Variants in WRN observed in about 807,000 individuals in gnomAD.
The protein encoded by WRN is WRN RecQ like helicase, also known as bifunctional 3'-5' exonuclease/ATP-dependent helicase WRN.
A neutral mutation model predicts 180.7 loss-of-function variants in WRN; 149 were observed. That is an observed-to-expected ratio of 0.82 (90% CI 0.72 to 0.94). The LOEUF is 0.94. Among genes scored for constraint, WRN ranks in the 40% least tolerant of loss-of-function variants. The probability of loss-of-function intolerance (pLI) is 0.00; values close to 1 mark genes in which losing one functional copy is unlikely to be tolerated. For synonymous variants in WRN, 548 were observed against 568.9 expected (o/e 0.96, Z 0.52); for missense variants, 1,661 against 1,700.1 (o/e 0.98, Z 0.40).
intron 5 of WRN, 50 bp from the exon 6 acceptor site, chr8:31,066,983 A>AATCCTGTTTCAGTT: frequency 6.2e-7 from 1 of 1,604,620 alleles, no homozygotes; most frequent in East Asian, 2.2e-5. Flanking sequence ...ATTTGGTAAT[A>AATCCTGTTTCAGTT]CCTGAAAACA....
chr8:31,143,612 T>G lies in WRN; in HGVS notation c.3372T>G (p.Ile1124Met). The G allele has an allele frequency of 6.3e-7, 1 of 1,587,660 alleles. No homozygotes were observed. Among genetic ancestry groups the G allele is most frequent in the Non-Finnish European group, 8.6e-7 (1 of 1,157,178 alleles). Residue 1124 changes from isoleucine (I) to methionine (M), a missense_variant, in exon 28 of 35, where the codon ATT (isoleucine) becomes ATG (methionine). Ile to Met is a conservative substitution (Grantham distance 10). Around this residue, in one of 3 missense-constraint regions of WRN, gnomAD observed 1,141 missense variants for 1,149.4 expected, o/e 0.99. Coordinates refer to ENST00000298139, the MANE Select transcript of WRN (RefSeq NM_000553.6). Reference protein sequence around the residue: ...PCDKISSGSNISKKSIMVQSP... With the variant: ...PCDKISSGSNMSKKSIMVQSP... ...ATAAGATTTCTTCTGGGAGTAACAT[T>G]TCTAAAAAAAGGTACAGAGTTCCAT... is the stretch of plus-strand genomic sequence containing the variant.
rs1393461097 is a variant in WRN, at chr8:31,140,019, T to G, written c.2968-1411T>G. On this transcript the variant is annotated intron_variant, in intron 24 of 34. Transcript: ENST00000298139. ...TACTTCTTTGTTTTTTTTTTTTTTTTTTTTTTTTTTTTTTGAGACAGGGTC... is the reference window on the plus strand; with the variant it reads ...TACTTCTTTGTTTTTTTTTTTTTTTGTTTTTTTTTTTTTTGAGACAGGGTC... Among the ~76,000 whole-genome samples the G allele has an allele frequency of 9.6e-5, 12 of 125,326 alleles. No homozygotes were observed. In the East Asian group the frequency reaches 2.6e-3, roughly 27 times the overall value. 82.2% of individuals were successfully genotyped at this position (125,326 alleles called of 152,430 possible).
intron 33 of WRN, among the ~76,000 whole-genome samples, chr8:31,157,801 C>T (rs752609697): frequency 3.3e-5 from 5 of 152,102 alleles, no homozygotes; most frequent in South Asian, 2.1e-4. Context: ...GATCTTGGCT[C>T]GCTGCAACCT....
intron 7 of WRN, among the ~76,000 whole-genome samples, chr8:31,073,712 TGAG>T (rs1812995270): frequency 6.6e-6 from 1 of 151,884 alleles, no homozygotes; most frequent in Non-Finnish European, 1.5e-5. Flanking sequence ...GTTGGGAAGA[TGAG>T]GAGAGAGCAG....
intron 21 of WRN, 56 bp downstream of exon 21, chr8:31,120,480 A>C: frequency 2.6e-6 from 4 of 1,542,792 alleles, no homozygotes; most frequent in Non-Finnish European, 3.5e-6. Flanking sequence ...TTTCCATATA[A>C]ACCTCAAAAG....
In WRN at chr8:31,175,320, A is replaced by G. The variant is rs548280181; in HGVS notation, c.*2218A>G. ...TGTGTTGGTGCGTGCCTATAATCCCAGCTACTCGGGAGGCTGAGGCAGGAG... is the reference window on the plus strand; with the variant it reads ...TGTGTTGGTGCGTGCCTATAATCCCGGCTACTCGGGAGGCTGAGGCAGGAG... On this transcript the variant is annotated 3_prime_UTR_variant, in exon 35 of 35. Coordinates refer to ENST00000298139, the MANE Select transcript of WRN (RefSeq NM_000553.6). Among the ~76,000 whole-genome samples, 114 of 152,256 alleles carry G rather than the reference A, an allele frequency of 7.5e-4. No individual in the cohort carries two copies. Among genetic ancestry groups the G allele is most frequent in the African/African-American group, 2.4e-3 (98 of 41,532 alleles).
intron 16 of WRN, among the ~76,000 whole-genome samples, chr8:31,093,368 C>T (rs147306746): frequency 3.9e-5 from 6 of 152,082 alleles, no homozygotes; most frequent in African/African-American, 1.4e-4. Flanking sequence ...TCCAAAGTGC[C>T]GGGATTACAG....
Position 31,075,272 on chromosome 8 carries a change from A to T in WRN, c.725-901A>T, listed in dbSNP as rs150643652. On this transcript the variant is annotated intron_variant, in intron 7 of 34. Coordinates refer to ENST00000298139, the MANE Select transcript of WRN (RefSeq NM_000553.6). ...AGGCCTCAGAGGAGATGGGCTTTTG[A>T]AGGACAAGAGAAATGATGATGAATA... Among the ~76,000 whole-genome samples, 26 of 152,298 alleles carry T rather than the reference A, an allele frequency of 1.7e-4. 1 individual carries two copies. The East Asian group carries it at 5.0e-3, about 29-fold the overall frequency.
chr8:31,156,783 C>G (rs937274907), intron 32 of WRN, among the ~76,000 whole-genome samples: 5 of 152,162 alleles, frequency 3.3e-5, no homozygotes, highest in African/African-American at 4.8e-5. Context: ...TAGCACTGTT[C>G]ATGTGAAGTT....
Position 31,120,331 on chromosome 8 carries a change from A to T in WRN, c.2537A>T (p.Glu846Val), listed in dbSNP as rs886062890. Residue 846 changes from glutamate to valine, a missense_variant, in exon 21 of 35, where the codon GAA becomes GTA. By Grantham distance (121) the Glu-to-Val change is moderately radical (BLOSUM62 -2). Transcript: ENST00000298139. ...VIHYGAPKDMESYYQEIGRAG... is the reference protein window; with the variant it reads ...VIHYGAPKDMVSYYQEIGRAG... ...CATTACGGTGCTCCTAAGGACATGGAATCATATTATCAGGAGATTGGTAGA... is the reference window on the plus strand; with the variant it reads ...CATTACGGTGCTCCTAAGGACATGGTATCATATTATCAGGAGATTGGTAGA... 3 of 1,613,056 alleles carry T rather than the reference A, an allele frequency of 1.9e-6. No individual in the cohort carries two copies. Among genetic ancestry groups the T allele is most frequent in the Middle Eastern group, 1.7e-4 (1 of 6,060 alleles).
At chr8:31,113,449 A>G (rs1338281481) in intron 19 of WRN, among the ~76,000 whole-genome samples, 2 of 152,298 alleles carry the variant, frequency 1.3e-5, no homozygotes, top group East Asian at 3.9e-4. Context: ...TGGCCATTCT[A>G]GTGCTCTCTG....
intron 5 of WRN, 80 bp downstream of exon 5, chr8:31,065,143 AT>A (rs3087406): frequency 2.2e-4 from 328 of 1,463,996 alleles, no homozygotes; most frequent in Middle Eastern, 7.4e-4. Flanking sequence ...TGAATGTTAG[AT>A]TTTTTTTTGA....
chr8:31,058,356 C>A lies in WRN; in HGVS notation c.-76-16C>A. 1 of 1,043,460 alleles carries A rather than the reference C, an allele frequency of 9.6e-7. No homozygotes were observed. Among genetic ancestry groups the A allele is most frequent in the Non-Finnish European group, 1.5e-6 (1 of 685,732 alleles). 64.6% of individuals were successfully genotyped at this position (1,043,460 alleles called of 1,614,324 possible). Reference sequence around the variant, plus strand: ...TATGTTTGGTTTTCATTCATATTGACAGTACTACCTCTCAGTTTTCTTTCA... The same window carrying A: ...TATGTTTGGTTTTCATTCATATTGAAAGTACTACCTCTCAGTTTTCTTTCA... On this transcript the variant is annotated splice_polypyrimidine_tract_variant and intron_variant, in intron 1 of 34. Coordinates refer to ENST00000298139, the MANE Select transcript of WRN (RefSeq NM_000553.6).
At chr8:31,130,262 T>A (rs1003184192) in intron 23 of WRN, among the ~76,000 whole-genome samples, 1 of 152,036 alleles carries the variant, frequency 6.6e-6, no homozygotes, top group Non-Finnish European at 1.5e-5. Context: ...AAAAGAAAAT[T>A]AATCAGCTAA....
At chr8:31,107,062 G>C (rs1801124724) in intron 18 of WRN, among the ~76,000 whole-genome samples, 1 of 152,162 alleles carries the variant, frequency 6.6e-6, no homozygotes, top group South Asian at 2.1e-4. Context: ...TCTGCCCTCA[G>C]GTAGCTCATA....
At chr8:31,135,920 A>G (rs1802381886) in intron 24 of WRN, among the ~76,000 whole-genome samples, 1 of 151,922 alleles carries the variant, frequency 6.6e-6, no homozygotes, top group African/African-American at 2.4e-5. Flanking sequence ...CTGGCCAGTC[A>G]GTTCTCTTTA....
intron 9 of WRN, among the ~76,000 whole-genome samples, chr8:31,082,085 G>A (rs1279266919): frequency 6.6e-6 from 1 of 152,100 alleles, no homozygotes; most frequent in Non-Finnish European, 1.5e-5. Flanking sequence ...TTGCTCATGT[G>A]AGAGAGTTTC....
chr8:31,120,226 T>C lies in WRN; in HGVS notation c.2449-17T>C, dbSNP rs1790260666. The C allele has an allele frequency of 1.2e-6, 2 of 1,612,076 alleles. No individual in the cohort carries two copies. Among genetic ancestry groups the C allele is most frequent in the East Asian group, 2.2e-5 (1 of 44,848 alleles). On this transcript the variant is annotated splice_polypyrimidine_tract_variant and intron_variant, in intron 20 of 34. Coordinates refer to ENST00000298139, the MANE Select transcript of WRN (RefSeq NM_000553.6). ...TGCTAAATATGTTTGTCAAACTGTG[T>C]TGTGATTTGTTCTCAGTGTGTCATA...
chr8:31,133,079 T>C (rs1399773948), intron 24 of WRN, among the ~76,000 whole-genome samples: 4 of 152,220 alleles, frequency 2.6e-5, no homozygotes, highest in Non-Finnish European at 5.9e-5. Flanking sequence ...GAGTGATTGA[T>C]GTTCCAGTAT....
Sources: allele counts gnomAD v4.1 joint callset (sites outside exome capture counted in the v4.1 genomes callset), GRCh38; gene constraint gnomAD v4.1.1; regional missense constraint gnomAD v4.1.1; transcripts MANE v1.5; gene names NCBI Gene and HGNC (gene_info 2026-07-23, HGNC 2026-07-21).